DNMT3A: variants seen among roughly 807,000 people sequenced by gnomAD.
DNMT3A encodes DNA methyltransferase 3 alpha.
In DNMT3A, 267 loss-of-function variants were observed where a neutral mutation model predicts 117.6. The ratio of observed to expected loss-of-function variants is 2.27; its 90% confidence interval spans 2.05 to 2.51. The LOEUF is 2.51. Ranked by LOEUF, DNMT3A falls within the 30% of genes most tolerant of loss-of-function variation. The pLI is 0.00. For synonymous variants in DNMT3A, 432 were observed against 474.8 expected, an observed-to-expected ratio of 0.91 and a Z score of 1.17; for missense variants, 1,029 against 1,260.2, an observed-to-expected ratio of 0.82 and a Z score of 2.78.
At chr2:25,249,692 G>A (rs773719367) in intron 6 of DNMT3A, 23 of 1,614,106 alleles carry the variant, frequency 1.4e-5, no homozygotes, top group African/African-American at 5.3e-5. Context: ...CGATCCACGC[G>A]CCCATTCCTT....
At chr2:25,260,813 C>A (rs1187395277) in intron 6 of DNMT3A, among the ~76,000 whole-genome samples, 1 of 151,926 alleles carries the variant, frequency 6.6e-6, no homozygotes, top group Non-Finnish European at 1.5e-5. Context: ...GCGGGGTGGT[C>A]GCAGGGAGTT....
rs1023078356 is a variant in DNMT3A, at chr2:25,232,024, T to C, written c.*2255A>G. ...TGTGTATGCGTGTGAGATTGACTGA[T>C]TGGTGTGGGGTTTAGGTCTGCAGTG... On this transcript the variant is annotated 3_prime_UTR_variant, in exon 23 of 23. Coordinates refer to ENST00000321117, the MANE Select transcript of DNMT3A (RefSeq NM_022552.5). The surrounding 1 kb of genome is among the most constrained non-coding windows in gnomAD (Gnocchi z 4.1). 4.6e-5 allele frequency: 7 copies of C among 152,338 alleles called. No homozygotes were observed. Among genetic ancestry groups the C allele is most frequent in the African/African-American group, 9.6e-5 (4 of 41,530 alleles). 9.4% of individuals were successfully genotyped at this position (152,338 alleles called of 1,614,324 possible). A position where few individuals can be genotyped will look rare whatever the true frequency, so the allele number is the denominator to read the frequency against.
intron 6 of DNMT3A, among the ~76,000 whole-genome samples, chr2:25,264,824 C>G (rs1022324112): frequency 6.6e-6 from 1 of 152,108 alleles, no homozygotes. Context: ...TATGCGAGGT[C>G]TGAGAATTCA....
At chr2:25,244,440 G>C (rs572872144) in intron 14 of DNMT3A, 100 bp downstream of exon 14, 716 of 1,577,128 alleles carry the variant, frequency 4.5e-4, no homozygotes, top group Middle Eastern at 1.7e-3. Flanking sequence ...GCATGGCTAG[G>C]GGGTGGAGGG....
At position 25,234,421 on chromosome 2, in the gene DNMT3A, C is replaced by G. The variant is rs766506181; in HGVS notation, c.2598-1G>C. On this transcript the variant is annotated splice_acceptor_variant, in intron 22 of 22. Transcript: ENST00000321117. LOFTEE classifies it high-confidence loss of function. The surrounding 1 kb of genome is among the most constrained non-coding windows in gnomAD (Gnocchi z 4.5). ...ATAGTGGACTGGGAAACCAAATACCCTGGGGGAGAAAAGGCAGAGAGGGCA... is the reference window on the plus strand; with the variant it reads ...ATAGTGGACTGGGAAACCAAATACCGTGGGGGAGAAAAGGCAGAGAGGGCA... 6.2e-7 allele frequency: 1 copy of G among 1,611,876 alleles called. No individual in the cohort carries two copies. Among genetic ancestry groups the G allele is most frequent in the Non-Finnish European group, 8.5e-7 (1 of 1,178,758 alleles).
intron 1 of DNMT3A, among the ~76,000 whole-genome samples, chr2:25,320,636 T>G (rs2149436829): frequency 6.6e-6 from 1 of 152,162 alleles, no homozygotes; most frequent in South Asian, 2.1e-4. Context: ...AAGGTAATTA[T>G]TAACTTCAGG....
intron 6 of DNMT3A, among the ~76,000 whole-genome samples, chr2:25,266,348 T>A (rs932705327): frequency 6.6e-6 from 1 of 152,220 alleles, no homozygotes; most frequent in Non-Finnish European, 1.5e-5. Flanking sequence ...CCAGTCCAAA[T>A]GCTCTAAAAC....
chr2:25,284,953 C>G (rs2032189278), intron 3 of DNMT3A, among the ~76,000 whole-genome samples: 1 of 152,186 alleles, frequency 6.6e-6, no homozygotes. Flanking sequence ...GAGTGGGCAT[C>G]CCTCCATCCC....
At chr2:25,280,011 T>C (rs1324617730) in intron 4 of DNMT3A, among the ~76,000 whole-genome samples, 1 of 151,896 alleles carries the variant, frequency 6.6e-6, no homozygotes, top group Admixed American at 6.6e-5. Flanking sequence ...ATTTTGGAGG[T>C]CAAGGAGACT....
At chr2:25,307,511 G>A (rs577726986) in intron 2 of DNMT3A, among the ~76,000 whole-genome samples, 1 of 143,670 alleles carries the variant, frequency 7.0e-6, no homozygotes, top group South Asian at 2.2e-4. Flanking sequence ...TGCCACCCAG[G>A]CTGGAGTGCA....
rs139047498 is a variant in DNMT3A, at chr2:25,300,145, G to C, written c.171C>G (p.His57Gln). The C allele has an allele frequency of 6.2e-7, 1 of 1,613,368 alleles. No individual in the cohort carries two copies. The highest frequency in any genetic ancestry group is 8.5e-7 in the Non-Finnish European group (1 of 1,179,874). Residue 57 changes from histidine (H) to glutamine (Q), a missense_variant, in exon 3 of 23, where the codon CAC becomes CAG. Transcript: ENST00000321117. The part of the protein sequence containing the change: ...KVGRPGRKRK[H>Q]PPVESGDTPK... ...TGTAGGATGTGACACTCACCGGGGG[G>C]TGCTTGCGCTTCCTCCCAGGCCGCC... is the stretch of plus-strand genomic sequence containing the variant.
rs1290879176 is a variant in DNMT3A, at chr2:25,296,481, T to C, written c.177+3658A>G. ...GTGAGGGGCTGGAATTCAGATCTTG[T>C]CCCCTAAAAAATGGAGTCCCGGGGG... On this transcript the variant is annotated intron_variant, in intron 3 of 22. Transcript: ENST00000321117. This position sits in a 1 kb window ranked among gnomAD's most constrained non-coding sequence, Gnocchi z 4.2. 6.6e-6 allele frequency among the ~76,000 whole-genome samples: 1 copy of C among 152,054 alleles called. No individual in the cohort carries two copies. The highest frequency in any genetic ancestry group is 6.5e-5 in the Admixed American group (1 of 15,274).
At chr2:25,292,395 G>A (rs929918100) in intron 3 of DNMT3A, among the ~76,000 whole-genome samples, 1 of 152,218 alleles carries the variant, frequency 6.6e-6, no homozygotes, top group Admixed American at 6.5e-5. Flanking sequence ...TTACGTATGA[G>A]AGATCCCATA....
chr2:25,313,964 G>A lies in DNMT3A; in HGVS notation c.21C>T (p.Ser7=), dbSNP rs748936424. ...CAGAGCTGCTGGTGTCCCCGGGGCCGCTGGAGGGCATGGCGGGCATCTGGG... is the reference window on the plus strand; with the variant it reads ...CAGAGCTGCTGGTGTCCCCGGGGCCACTGGAGGGCATGGCGGGCATCTGGG... MPAMPS[S]GPGDTSSSAA... The change falls in exon 2 of 23, where the codon AGC becomes AGT. Residue 7 remains serine (S), a synonymous_variant. Transcript: ENST00000321117. The A allele has an allele frequency of 3.0e-5, 46 of 1,547,692 alleles. No individual in the cohort carries two copies. In the Admixed American group the frequency reaches 3.4e-4, roughly 11 times the overall value.
At chr2:25,328,589 C>G (rs190660043) in intron 1 of DNMT3A, 4 of 475,082 alleles carry the variant, frequency 8.4e-6, no homozygotes, top group Non-Finnish European at 1.3e-5. Context: ...CCGTCCCCCC[C>G]GCCCACAGCT....
rs994246067 is a variant in DNMT3A, at chr2:25,237,459, T to C, written c.2409-454A>G. 3.3e-5 allele frequency among the ~76,000 whole-genome samples: 5 copies of C among 152,116 alleles called. No homozygotes were observed. Among genetic ancestry groups the C allele is most frequent in the Admixed American group, 6.6e-5 (1 of 15,256 alleles). On this transcript the variant is annotated intron_variant, in intron 20 of 22. Transcript: ENST00000321117. The surrounding 1 kb of genome is among the most constrained non-coding windows in gnomAD (Gnocchi z 5.4). ...AATTAATCAAACCGCAAGCCTTAAA[T>C]GTACTGCTTTAAAAGACTAAATTCT...
chr2:25,333,896 C>T (rs1003634102), intron 1 of DNMT3A, among the ~76,000 whole-genome samples: 2 of 152,240 alleles, frequency 1.3e-5, no homozygotes, highest in African/African-American at 4.8e-5. Flanking sequence ...GGGCCAGCAG[C>T]AACTGAGCAC....
Position 25,274,974 on chromosome 2 carries a change from C to T in DNMT3A, c.606G>A (p.Lys202=). ...AGDPYYISKR[K]RDEWLARWKR... ...TCCAGCGTGCCAGCCACTCGTCCCG[C>T]TTGCGCTTGCTGATGTAGTAGGGGT... Residue 202 remains lysine (K), a synonymous_variant, in exon 6 of 23, where the codon AAG becomes AAA. Coordinates refer to ENST00000321117, the MANE Select transcript of DNMT3A (RefSeq NM_022552.5). 1.2e-6 allele frequency: 2 copies of T among 1,613,796 alleles called. No individual in the cohort carries two copies. Among genetic ancestry groups the T allele is most frequent in the Non-Finnish European group, 1.7e-6 (2 of 1,179,856 alleles).
Position 25,247,194 on chromosome 2 carries a change from T to C in DNMT3A, c.1015-36A>G. On this transcript the variant is annotated intron_variant, in intron 8 of 22. Transcript: ENST00000321117. This position sits in a 1 kb window ranked among gnomAD's most constrained non-coding sequence, Gnocchi z 5.6. ...AAGCCAGGCCTTGTTTGCCGAGGCT[T>C]ACACTTGCAAGCACCCACCCCATGC... The C allele has an allele frequency of 6.2e-7, 1 of 1,603,382 alleles. No homozygotes were observed. The highest frequency in any genetic ancestry group is 8.5e-7 in the Non-Finnish European group (1 of 1,173,374).
Sources: gnomAD v4.1 joint callset for allele counts (sites outside exome capture counted in the v4.1 genomes callset) on GRCh38, gnomAD v4.1.1 for gene constraint, Gnocchi (gnomAD v3.1) non-coding constraint, MANE v1.5 for transcripts, NCBI Gene and HGNC (gene_info 2026-07-23, HGNC 2026-07-21) for gene names.